The following SLC9C1 variants were observed in gnomAD, a reference collection of about 807,000 sequenced individuals.
The protein encoded by SLC9C1 is solute carrier family 9 member C1.
A neutral mutation model predicts 140.9 loss-of-function variants in SLC9C1; 97 were observed. The observed-to-expected ratio is 0.69, with a 90% CI of 0.58 to 0.82. SLC9C1 has a LOEUF of 0.82. Ranked by LOEUF, SLC9C1 falls within the 40% of genes least tolerant of loss-of-function variation. The pLI is 0.00. For synonymous variants in SLC9C1, 440 were observed against 442.6 expected (o/e 0.99, Z 0.07); for missense variants, 1,340 against 1,389.3 (o/e 0.96, Z 0.56).
chr3:112,169,241 G>A lies in SLC9C1; in HGVS notation c.3007C>T (p.Leu1003Phe). 6.2e-7 allele frequency: 1 copy of A among 1,613,596 alleles called. No individual in the cohort carries two copies. The highest frequency in any genetic ancestry group is 8.5e-7 in the Non-Finnish European group (1 of 1,179,768). The change falls in exon 24 of 29, where the codon CTC becomes TTC. Residue 1003 changes from leucine (L) to phenylalanine (F), a missense_variant. Transcript: ENST00000305815. ...IKQKMWLKLG[L>F]AITARKIREH... ...CTGATTTTTCTGGCTGTAATAGCGA[G>A]TCCAAGTTTTAGCCACATTTTTTGT...
At chr3:112,173,620 T>C (rs1009657564) in intron 23 of SLC9C1, among the ~76,000 whole-genome samples, 1 of 152,258 alleles carries the variant, frequency 6.6e-6, no homozygotes, top group African/African-American at 2.4e-5. Context: ...TCTCATTCTT[T>C]TCTATGGCTG....
intron 28 of SLC9C1, among the ~76,000 whole-genome samples, chr3:112,143,991 G>T (rs1167776570): frequency 1.3e-5 from 2 of 151,988 alleles, no homozygotes; most frequent in African/African-American, 4.8e-5. Context: ...CCTAGTACCA[G>T]TTATTGAATA....
At chr3:112,267,178 C>A (rs1229911101) in intron 7 of SLC9C1, among the ~76,000 whole-genome samples, 1 of 152,092 alleles carries the variant, frequency 6.6e-6, no homozygotes, top group African/African-American at 2.4e-5. Context: ...ACTTAGGAGG[C>A]TGAGGTGGGA....
chr3:112,252,876 A>C (rs7635069), intron 10 of SLC9C1, among the ~76,000 whole-genome samples: 89,685 of 151,522 alleles, frequency 0.59, 27,026 homozygotes, highest in East Asian at 0.79. Flanking sequence ...GACTCCAGCC[A>C]CCTCCTGCTG....
At chr3:112,257,589 T>TA (rs1256928170) in intron 10 of SLC9C1, among the ~76,000 whole-genome samples, 3 of 152,096 alleles carry the variant, frequency 2.0e-5, no homozygotes, top group Non-Finnish European at 2.9e-5. Context: ...CTCAAAGCTA[T>TA]AAAAACCCTG....
In SLC9C1 at chr3:112,217,572, A is replaced by C. The variant is rs779369521; in HGVS notation, c.1671-11T>G. ...TCAAGACTCATACATCTAGAAAAAG[A>C]GAGAAATCTTTAAACATGCTTTAAA... On this transcript the variant is annotated splice_polypyrimidine_tract_variant and intron_variant, in intron 14 of 28. Coordinates refer to ENST00000305815, the MANE Select transcript of SLC9C1 (RefSeq NM_183061.3). The C allele has an allele frequency of 6.4e-7, 1 of 1,563,242 alleles. No individual in the cohort carries two copies. The highest frequency in any genetic ancestry group is 2.1e-5 in the Admixed American group (1 of 48,266).
chr3:112,150,426 T>C (rs1437561748), intron 28 of SLC9C1, among the ~76,000 whole-genome samples: 1 of 152,144 alleles, frequency 6.6e-6, no homozygotes, highest in Non-Finnish European at 1.5e-5. Flanking sequence ...TTCTCTCATA[T>C]ACTGGGGCTT....
In SLC9C1 at chr3:112,204,400, C is replaced by T. The variant is rs1405144645; in HGVS notation, c.1990G>A (p.Ala664Thr). 2 of 1,560,668 alleles carry T rather than the reference C, an allele frequency of 1.3e-6. No homozygotes were observed. Among genetic ancestry groups the T allele is most frequent in the Admixed American group, 2.1e-5 (1 of 46,768 alleles). ...GAAAAAAAGTCCTTCCTCATTGCTG[C>T]TATCTGTTGATTTAAAAGGAAATTA... ...LYILEALLKIAAMRKDFFSHA... is the reference protein window; with the variant it reads ...LYILEALLKITAMRKDFFSHA... Residue 664 changes from alanine (A) to threonine (T), a missense_variant, in exon 17 of 29, where the codon GCA becomes ACA. Ala to Thr is a moderately conservative substitution (Grantham distance 58). Coordinates refer to ENST00000305815, the MANE Select transcript of SLC9C1 (RefSeq NM_183061.3).
chr3:112,207,990 C>T (rs561636466), intron 16 of SLC9C1, among the ~76,000 whole-genome samples, 188 bp downstream of exon 16: 4 of 152,268 alleles, frequency 2.6e-5, no homozygotes, highest in Admixed American at 2.0e-4. Context: ...AAAATCAGTG[C>T]TTCAAGTATG....
intron 18 of SLC9C1, among the ~76,000 whole-genome samples, chr3:112,201,533 A>G (rs1231857459): frequency 6.6e-6 from 1 of 152,054 alleles, no homozygotes; most frequent in Non-Finnish European, 1.5e-5. Context: ...GATGTTTTAA[A>G]TCGTCTTGAA....
At chr3:112,237,456 A>T (rs2079020784) in intron 12 of SLC9C1, among the ~76,000 whole-genome samples, 1 of 152,168 alleles carries the variant, frequency 6.6e-6, no homozygotes, top group South Asian at 2.1e-4. Context: ...GCCCATTTAC[A>T]TTTAAGGTTA....
intron 18 of SLC9C1, among the ~76,000 whole-genome samples, chr3:112,201,462 C>T (rs886788670): frequency 7.9e-5 from 12 of 151,854 alleles, no homozygotes; most frequent in Non-Finnish European, 1.6e-4. Context: ...TGTGTTCTAC[C>T]ACATATTGAA....
At chr3:112,142,888 C>T (rs866096581) in intron 28 of SLC9C1, among the ~76,000 whole-genome samples, 2 of 152,126 alleles carry the variant, frequency 1.3e-5, no homozygotes, top group African/African-American at 2.4e-5. Flanking sequence ...CCCCTCCCTC[C>T]CTGCCCTCTG....
At chr3:112,237,381 G>C (rs2079018366) in intron 12 of SLC9C1, among the ~76,000 whole-genome samples, 1 of 152,170 alleles carries the variant, frequency 6.6e-6, no homozygotes, top group Non-Finnish European at 1.5e-5. Context: ...CCTGAATACA[G>C]CACACTGATG....
chr3:112,166,262 G>A (rs560521152), intron 26 of SLC9C1, among the ~76,000 whole-genome samples: 14 of 152,280 alleles, frequency 9.2e-5, no homozygotes, highest in South Asian at 2.1e-4. Context: ...CACTTGGTGC[G>A]CTGCACCCAC....
intron 23 of SLC9C1, among the ~76,000 whole-genome samples, chr3:112,174,274 C>T (rs946500605): frequency 6.6e-6 from 1 of 152,172 alleles, no homozygotes; most frequent in African/African-American, 2.4e-5. Flanking sequence ...AAATGTGGAG[C>T]TGCTGTTACT....
At chr3:112,176,735 A>G (rs566055907) in intron 23 of SLC9C1, among the ~76,000 whole-genome samples, 3 of 152,234 alleles carry the variant, frequency 2.0e-5, no homozygotes, top group East Asian at 1.9e-4. Context: ...GGGTTTTACA[A>G]TTTGCTTGAG....
At chr3:112,169,634 C>T (rs1254022871) in intron 23 of SLC9C1, among the ~76,000 whole-genome samples, 7 of 152,078 alleles carry the variant, frequency 4.6e-5, no homozygotes, top group Admixed American at 3.9e-4. Flanking sequence ...ATTACTATAT[C>T]TTTATAGTAT....
At chr3:112,148,087 T>A (rs1474075618) in intron 28 of SLC9C1, among the ~76,000 whole-genome samples, 2 of 152,208 alleles carry the variant, frequency 1.3e-5, no homozygotes, top group Non-Finnish European at 2.9e-5. Context: ...ATTTTCAATT[T>A]TTTTAGGTGA....
Sources: allele counts gnomAD v4.1 joint callset (sites outside exome capture counted in the v4.1 genomes callset), GRCh38; gene constraint gnomAD v4.1.1; transcripts MANE v1.5; gene names NCBI Gene and HGNC (gene_info 2026-07-23, HGNC 2026-07-21).